Variants in NKAIN2 observed in about 807,000 individuals in gnomAD.
The protein encoded by NKAIN2 is sodium/potassium-transporting ATPase subunit beta-1-interacting protein 2.
In NKAIN2, 14 loss-of-function variants were observed where a neutral mutation model predicts 32.6. The ratio of observed to expected loss-of-function variants is 0.43; its 90% confidence interval spans 0.28 to 0.67. The LOEUF is 0.67. NKAIN2 is among the 30% of genes least tolerant of loss of function. NKAIN2 has a pLI of 0.17. For missense variants in NKAIN2, 198 were observed against 258.3 expected (o/e 0.77, Z 1.60); for synonymous variants, 80 against 87.2 (o/e 0.92, Z 0.46).
chr6:124,348,648 T>C (rs1429627841), intron 2 of NKAIN2, among the ~76,000 whole-genome samples: 1 of 152,220 alleles, frequency 6.6e-6, no homozygotes, highest in African/African-American at 2.4e-5. Flanking sequence ...AGCTCCGGTC[T>C]ACAGCTCCCA....
intron 1 of NKAIN2, among the ~76,000 whole-genome samples, chr6:124,196,989 G>A (rs1303821081): frequency 6.6e-6 from 1 of 151,724 alleles, no homozygotes; most frequent in African/African-American, 2.4e-5. Flanking sequence ...TAAGAAGGTT[G>A]TAGTCTATAT....
At chr6:124,422,780 T>C (rs1352377174) in intron 3 of NKAIN2, among the ~76,000 whole-genome samples, 1 of 152,254 alleles carries the variant, frequency 6.6e-6, no homozygotes, top group Non-Finnish European at 1.5e-5. Context: ...AGCAGTGCTG[T>C]GCTGAAGTTG....
rs141194094 is a variant in NKAIN2, at chr6:124,574,199, T to C, written c.274-83987T>C. 2.6e-3 allele frequency among the ~76,000 whole-genome samples: 394 copies of C among 152,292 alleles called. 2 individuals carry two copies. The highest frequency in any genetic ancestry group is 4.4e-3 in the Non-Finnish European group (301 of 68,026). On this transcript the variant is annotated intron_variant, in intron 3 of 6. Coordinates refer to ENST00000368417, the MANE Select transcript of NKAIN2 (RefSeq NM_001040214.3). ...AAGAGCTTTTGAGGTTCTTCAAATA[T>C]TTGATTAGAATTTCATGGATGCCAA...
intron 1 of NKAIN2, among the ~76,000 whole-genome samples, chr6:123,844,827 G>A (rs1414549023): frequency 6.6e-6 from 1 of 152,270 alleles, no homozygotes; most frequent in South Asian, 2.1e-4. Flanking sequence ...TATATGGTCA[G>A]TATTAGACAT....
chr6:123,918,232 G>A (rs1008759768), intron 1 of NKAIN2, among the ~76,000 whole-genome samples: 3 of 152,210 alleles, frequency 2.0e-5, no homozygotes, highest in African/African-American at 7.2e-5. Context: ...ATGTTTTATC[G>A]TTTTGCTGAT....
At chr6:124,142,927 G>A (rs1162443254) in intron 1 of NKAIN2, among the ~76,000 whole-genome samples, 8 of 152,078 alleles carry the variant, frequency 5.3e-5, no homozygotes, top group Non-Finnish European at 1.2e-4. Context: ...ACCGGTAAAA[G>A]GGAAAATAAG....
intron 3 of NKAIN2, among the ~76,000 whole-genome samples, chr6:124,631,546 A>C (rs1473522439): frequency 6.6e-6 from 1 of 152,204 alleles, no homozygotes; most frequent in South Asian, 2.1e-4. Flanking sequence ...CTCTTGTAGG[A>C]CCATTCAGCC....
intron 1 of NKAIN2, among the ~76,000 whole-genome samples, chr6:124,246,149 AG>A (rs1376787540): frequency 1.3e-5 from 2 of 152,056 alleles, no homozygotes; most frequent in Non-Finnish European, 2.9e-5. Context: ...ATTGCAGCTA[AG>A]GGAACTAATA....
At chr6:123,943,708 C>T (rs1412434130) in intron 1 of NKAIN2, among the ~76,000 whole-genome samples, 2 of 152,040 alleles carry the variant, frequency 1.3e-5, no homozygotes, top group African/African-American at 2.4e-5. Flanking sequence ...ATAGTTATCA[C>T]CACTTCATTG....
At chr6:124,558,821 T>C (rs111432530) in intron 3 of NKAIN2, among the ~76,000 whole-genome samples, 1,727 of 152,188 alleles carry the variant, frequency 0.011, 26 homozygotes, top group African/African-American at 0.04. Context: ...TGGTGGTGTG[T>C]GCCTGTAATC....
chr6:124,131,992 C>G (rs1310371525), intron 1 of NKAIN2, among the ~76,000 whole-genome samples: 4 of 152,148 alleles, frequency 2.6e-5, no homozygotes, highest in Non-Finnish European at 5.9e-5. Context: ...TGCTTGCTTT[C>G]TCAGAAGGGA....
At chr6:124,023,180 T>A (rs1437749194) in intron 1 of NKAIN2, among the ~76,000 whole-genome samples, 1 of 150,776 alleles carries the variant, frequency 6.6e-6, no homozygotes, top group South Asian at 2.1e-4. Flanking sequence ...AAGGAAAGGA[T>A]TGATACAGAA....
At chr6:124,349,576 A>G (rs894522419) in intron 2 of NKAIN2, among the ~76,000 whole-genome samples, 1 of 152,208 alleles carries the variant, frequency 6.6e-6, no homozygotes, top group African/African-American at 2.4e-5. Context: ...ATTTCCCTGT[A>G]GCTTCTGTTG....
intron 1 of NKAIN2, among the ~76,000 whole-genome samples, chr6:123,830,962 C>G (rs990243156): frequency 1.3e-5 from 2 of 152,196 alleles, no homozygotes; most frequent in Admixed American, 6.5e-5. Flanking sequence ...TTTAGGAAAT[C>G]AGACCAGCTC....
chr6:124,385,417 C>G (rs140127908), intron 3 of NKAIN2, among the ~76,000 whole-genome samples: 6 of 152,194 alleles, frequency 3.9e-5, no homozygotes, highest in Non-Finnish European at 8.8e-5. Flanking sequence ...TGCAGCCAAT[C>G]TCCACCTCAG....
chr6:124,767,766 T>C (rs1463141831), intron 4 of NKAIN2, among the ~76,000 whole-genome samples: 1 of 152,186 alleles, frequency 6.6e-6, no homozygotes, highest in African/African-American at 2.4e-5. Flanking sequence ...GGTTTTCTGC[T>C]TCTATTTTAG....
intron 1 of NKAIN2, among the ~76,000 whole-genome samples, chr6:124,218,319 A>T (rs536519230): frequency 3.3e-5 from 5 of 152,278 alleles, no homozygotes; most frequent in South Asian, 4.1e-4. Flanking sequence ...AGTAATCTGT[A>T]AATTAAAACC....
At chr6:124,650,635 C>G (rs1317070931) in intron 3 of NKAIN2, among the ~76,000 whole-genome samples, 2 of 152,078 alleles carry the variant, frequency 1.3e-5, no homozygotes, top group African/African-American at 4.8e-5. Context: ...CAAACCCACT[C>G]CCATGGTGGC....
At chr6:124,622,200 C>T (rs562272506) in intron 3 of NKAIN2, among the ~76,000 whole-genome samples, 3 of 152,274 alleles carry the variant, frequency 2.0e-5, no homozygotes, top group Non-Finnish European at 4.4e-5. Context: ...GGCACAGTTC[C>T]GATCTCTGCC....
Sources: allele counts gnomAD v4.1 joint callset (sites outside exome capture counted in the v4.1 genomes callset), GRCh38; gene constraint gnomAD v4.1.1; transcripts MANE v1.5; gene names NCBI Gene and HGNC (gene_info 2026-07-23, HGNC 2026-07-21).